Variants in PSMD11 observed in about 807,000 individuals in gnomAD.
The protein encoded by PSMD11 is 26S proteasome non-ATPase regulatory subunit 11.
In PSMD11, 5 loss-of-function variants were observed where a neutral mutation model predicts 62.3. That is an observed-to-expected ratio of 0.08 (90% CI 0.04 to 0.17). PSMD11 has a LOEUF of 0.17. PSMD11 is among the 10% of genes least tolerant of loss of function. The pLI is 1.00. For missense variants in PSMD11, 310 were observed against 512.9 expected, an observed-to-expected ratio of 0.60 and a Z score of 3.82; for synonymous variants, 191 against 191.8, an observed-to-expected ratio of 1.00 and a Z score of 0.03.
chr17:32,454,331 A>G (rs752797888), intron 2 of PSMD11, among the ~76,000 whole-genome samples, 164 bp from the exon 3 acceptor site: 10 of 152,218 alleles, frequency 6.6e-5, no homozygotes, highest in African/African-American at 2.2e-4. Context: ...TATTTTTGCT[A>G]TTCTGCTATT....
chr17:32,446,489 C>T (rs1313021288), intron 1 of PSMD11, among the ~76,000 whole-genome samples: 1 of 151,976 alleles, frequency 6.6e-6, no homozygotes, highest in Non-Finnish European at 1.5e-5. Flanking sequence ...TTTATTGAAA[C>T]GCTTTTGACT....
intron 10 of PSMD11, 35 bp downstream of exon 10, chr17:32,479,411 G>A (rs750652923): frequency 6.2e-7 from 1 of 1,609,610 alleles, no homozygotes; most frequent in Admixed American, 1.7e-5. Flanking sequence ...TTCTGGCCAG[G>A]CATTCTCACT....
At chr17:32,470,686 G>A (rs374679317) in intron 6 of PSMD11, among the ~76,000 whole-genome samples, 1 of 152,208 alleles carries the variant, frequency 6.6e-6, no homozygotes, top group South Asian at 2.1e-4. Context: ...CAGTATACCA[G>A]TTCTTGGGCC....
At chr17:32,447,530 T>G (rs915053083) in intron 2 of PSMD11, among the ~76,000 whole-genome samples, 3 of 152,242 alleles carry the variant, frequency 2.0e-5, no homozygotes, top group African/African-American at 7.2e-5. Context: ...CCTAGGACTT[T>G]GTGCACATCA....
intron 2 of PSMD11, among the ~76,000 whole-genome samples, chr17:32,449,864 A>G (rs983985943): frequency 1.3e-5 from 2 of 152,192 alleles, no homozygotes; most frequent in Non-Finnish European, 2.9e-5. Flanking sequence ...AATGCATAGC[A>G]TTGTGCTAAG....
Position 32,480,919 on chromosome 17 carries a change from C to A in PSMD11, c.*167C>A. Reference sequence around the variant, plus strand: ...TCCAGCCAATAGGTGTGCCAGTTTTCATGTAATCTTTACTGGCCCAACTTG... The same window carrying A: ...TCCAGCCAATAGGTGTGCCAGTTTTAATGTAATCTTTACTGGCCCAACTTG... On this transcript the variant is annotated 3_prime_UTR_variant, in exon 14 of 14. Coordinates refer to ENST00000261712, the MANE Select transcript of PSMD11 (RefSeq NM_002815.4). 1 of 282,930 alleles carries A rather than the reference C, an allele frequency of 3.5e-6. No individual in the cohort carries two copies. 17.5% of individuals were successfully genotyped at this position (282,930 alleles called of 1,614,324 possible).
rs745330157 is a variant in PSMD11 at position 32,464,091 on chromosome 17, A to G, written c.361A>G (p.Lys121Glu). 6.2e-7 allele frequency: 1 copy of G among 1,614,120 alleles called. No individual in the cohort carries two copies. The change falls in exon 4 of 14, where the codon AAA becomes GAA. Residue 121 changes from lysine (K) to glutamate (E), a missense_variant. Physicochemically the swap from Lys to Glu is moderately conservative, Grantham distance 56 (BLOSUM62 1). This residue lies in a region of PSMD11 where 47 missense variants were observed against 59.0 expected (regional missense o/e 0.80). Transcript: ENST00000261712. Reference protein sequence around the residue: ...LECIEWAKSEKRTFLRQALEA... With the variant: ...LECIEWAKSEERTFLRQALEA... ...GTGCATCGAATGGGCCAAGTCAGAG[A>G]AAAGAACTTTCTTACGCCAAGCTTT... is the stretch of plus-strand genomic sequence containing the variant.
intron 8 of PSMD11, chr17:32,477,211 C>G (rs956115817): frequency 1.4e-5 from 4 of 277,450 alleles, no homozygotes; most frequent in Non-Finnish European, 2.7e-5. Context: ...GAGAAGAAAT[C>G]ACAGTTCTCT....
intron 3 of PSMD11, among the ~76,000 whole-genome samples, chr17:32,458,603 A>G (rs1194495485): frequency 2.0e-5 from 3 of 152,230 alleles, no homozygotes; most frequent in African/African-American, 7.2e-5. Context: ...ACTGTAATAC[A>G]ATCTCACTCA....
chr17:32,480,355 A>T, intron 12 of PSMD11, 134 bp from the exon 13 acceptor site: 1 of 1,448,692 alleles, frequency 6.9e-7, no homozygotes, highest in Non-Finnish European at 9.6e-7. Context: ...AAGCATGTGT[A>T]CATGGAATAG....
At chr17:32,461,847 C>G (rs1907855406) in intron 3 of PSMD11, among the ~76,000 whole-genome samples, 1 of 152,120 alleles carries the variant, frequency 6.6e-6, no homozygotes, top group Non-Finnish European at 1.5e-5. Context: ...GTTTTTCGTT[C>G]TGTCTTATTT....
intron 2 of PSMD11, among the ~76,000 whole-genome samples, chr17:32,451,228 T>C (rs1907489470): frequency 1.3e-5 from 2 of 152,192 alleles, no homozygotes; most frequent in African/African-American, 2.4e-5. Context: ...GAGAAAATAT[T>C]GTAAGGCTAG....
intron 5 of PSMD11, among the ~76,000 whole-genome samples, chr17:32,465,758 G>C (rs1158166719): frequency 6.6e-6 from 1 of 152,036 alleles, no homozygotes; most frequent in Admixed American, 6.5e-5. Flanking sequence ...CAGATTGCCT[G>C]AGCTCAGGAG....
At chr17:32,478,332 T>C (rs1211246769) in intron 9 of PSMD11, among the ~76,000 whole-genome samples, 1 of 152,214 alleles carries the variant, frequency 6.6e-6, no homozygotes, top group East Asian at 1.9e-4. Context: ...CCTGGAGGGC[T>C]CTTGCCAATT....
intron 2 of PSMD11, among the ~76,000 whole-genome samples, chr17:32,449,088 C>T (rs1907416595): frequency 6.6e-6 from 1 of 152,106 alleles, no homozygotes; most frequent in Non-Finnish European, 1.5e-5. Flanking sequence ...AATTATAAAG[C>T]CAACTGAAGT....
intron 2 of PSMD11, among the ~76,000 whole-genome samples, chr17:32,454,184 G>A (rs1907583785): frequency 6.6e-6 from 1 of 152,184 alleles, no homozygotes; most frequent in African/African-American, 2.4e-5. Context: ...ACTGGTTTTT[G>A]AGATTATGAA....
intron 6 of PSMD11, among the ~76,000 whole-genome samples, chr17:32,472,150 G>A (rs1440486721): frequency 6.6e-6 from 1 of 151,128 alleles, no homozygotes; most frequent in African/African-American, 2.4e-5. Flanking sequence ...TTACAGATGT[G>A]AGCCACTGTG....
intron 8 of PSMD11, 123 bp from the exon 9 acceptor site, chr17:32,477,398 G>A (rs1451180007): frequency 4.1e-6 from 3 of 726,182 alleles, no homozygotes; most frequent in South Asian, 5.6e-5. Flanking sequence ...GAAGAAGAAC[G>A]ATGGTGGGGC....
In PSMD11 at chr17:32,482,380, AG is replaced by A. The variant is rs1292048293; in HGVS notation, c.*1630del. The stretch of plus-strand genomic sequence containing the variant: ...AAAAATAATTTTTTTTTTTTTCAAA[AG>A]GTGTCTTTTTCTTGAGTGCTGGAGG... On this transcript the variant is annotated 3_prime_UTR_variant, in exon 14 of 14. Coordinates refer to ENST00000261712, the MANE Select transcript of PSMD11 (RefSeq NM_002815.4). 2 of 151,704 alleles carry A rather than the reference AG, an allele frequency of 1.3e-5. No individual in the cohort carries two copies. Among genetic ancestry groups the A allele is most frequent in the African/African-American group, 4.8e-5 (2 of 41,300 alleles). The allele number at this position is 151,704 out of a possible 1,614,324, so 9.4% of individuals were successfully genotyped here. A position where few individuals can be genotyped will look rare whatever the true frequency, so the allele number is the denominator to read the frequency against.
Sources: gnomAD v4.1 joint callset for allele counts (sites outside exome capture counted in the v4.1 genomes callset) on GRCh38, gnomAD v4.1.1 for gene constraint, gnomAD v4.1.1 regional missense constraint, MANE v1.5 for transcripts, NCBI Gene and HGNC (gene_info 2026-07-23, HGNC 2026-07-21) for gene names.